The following CHRM3 variants were observed in gnomAD, a reference collection of about 807,000 sequenced individuals.
CHRM3 encodes the protein cholinergic receptor muscarinic 3, also known as muscarinic acetylcholine receptor M3.
Under a neutral mutation model 41.8 loss-of-function variants are expected in CHRM3, and 11 were observed. The observed-to-expected ratio is 0.26, with a 90% confidence interval of 0.17 to 0.44. The LOEUF is 0.44. CHRM3 is among the 20% of genes least tolerant of loss of function. CHRM3 has a pLI of 1.00. For missense variants in CHRM3, 571 were observed against 745.4 expected, an observed-to-expected ratio of 0.77 and a Z score of 2.72; for synonymous variants, 297 against 301.4, an observed-to-expected ratio of 0.99 and a Z score of 0.15.
chr1:239,707,138 G>A (rs1291984761), intron 5 of CHRM3: 1 of 151,966 alleles, frequency 6.6e-6, no homozygotes, highest in Admixed American at 6.6e-5. Context: ...TGTAAGGTGG[G>A]GATAAATATG....
At chr1:239,408,834 C>G (rs932984346) in intron 1 of CHRM3, among the ~76,000 whole-genome samples, 3 of 151,002 alleles carry the variant, frequency 2.0e-5, no homozygotes, top group Non-Finnish European at 4.4e-5. Flanking sequence ...GTTACCCAGG[C>G]TGGTCCTAAA....
chr1:239,429,972 T>TA (rs1662696804), intron 1 of CHRM3, among the ~76,000 whole-genome samples: 1 of 110,126 alleles, frequency 9.1e-6, no homozygotes, highest in African/African-American at 3.3e-5. Flanking sequence ...ACCCAGACAA[T>TA]CTTTTTTTTT....
intron 2 of CHRM3, among the ~76,000 whole-genome samples, chr1:239,496,965 G>A (rs1667928824): frequency 6.6e-6 from 1 of 151,924 alleles, no homozygotes; most frequent in African/African-American, 2.4e-5. Context: ...TTGGATGCAT[G>A]GTAAATTAAC....
chr1:239,865,017 T>C (rs1293815277), intron 6 of CHRM3, among the ~76,000 whole-genome samples: 2 of 152,176 alleles, frequency 1.3e-5, no homozygotes, highest in Non-Finnish European at 2.9e-5. Context: ...GCATTACATG[T>C]GTACAGAATG....
Position 239,630,287 on chromosome 1 carries a change from G to C in CHRM3, c.-312-1937G>C, listed in dbSNP as rs377591181. Among the ~76,000 whole-genome samples the C allele has an allele frequency of 2.0e-5, 3 of 152,182 alleles. No homozygotes were observed. The East Asian group carries it at 5.8e-4, about 29-fold the overall frequency. ...AAAATGATCTGAATTTCAACATGTA[G>C]GCAATGTTGGGACTCCTAATTGTAA... is the stretch of plus-strand genomic sequence containing the variant. On this transcript the variant is annotated intron_variant, in intron 3 of 6. Transcript: ENST00000676153.
chr1:239,576,608 A>G (rs972850814), intron 3 of CHRM3, among the ~76,000 whole-genome samples: 1 of 150,984 alleles, frequency 6.6e-6, no homozygotes, highest in African/African-American at 2.4e-5. Context: ...ACACACACAC[A>G]CACACACACA....
rs553382912 is a variant in CHRM3 at position 239,615,221 on chromosome 1, C to T, written c.-312-17003C>T. ...ACATTTGCTATACACTTTATGTATG[C>T]TACTTTATTTCATGCTTTCAAAAAC... On this transcript the variant is annotated intron_variant, in intron 3 of 6. Transcript: ENST00000676153. 2.6e-5 allele frequency among the ~76,000 whole-genome samples: 4 copies of T among 152,316 alleles called. No homozygotes were observed. In the South Asian group the frequency reaches 8.3e-4, roughly 32 times the overall value.
chr1:239,483,924 C>G (rs982373624), intron 1 of CHRM3, among the ~76,000 whole-genome samples: 9 of 152,140 alleles, frequency 5.9e-5, no homozygotes, highest in African/African-American at 2.2e-4. Flanking sequence ...CTACCTTTCT[C>G]TTGGAAGCTT....
chr1:239,728,064 C>G (rs1663613514), intron 5 of CHRM3, among the ~76,000 whole-genome samples: 1 of 151,930 alleles, frequency 6.6e-6, no homozygotes, highest in Admixed American at 6.6e-5. Context: ...TACCTTTTTG[C>G]CCATTGTTGT....
intron 4 of CHRM3, among the ~76,000 whole-genome samples, chr1:239,667,290 G>A (rs997073435): frequency 6.6e-6 from 1 of 152,012 alleles, no homozygotes; most frequent in African/African-American, 2.4e-5. Context: ...AATCTCCAAG[G>A]CATTACTGTT....
chr1:239,766,354 C>G (rs1667205108), intron 5 of CHRM3, among the ~76,000 whole-genome samples: 1 of 151,950 alleles, frequency 6.6e-6, no homozygotes, highest in Non-Finnish European at 1.5e-5. Flanking sequence ...AACAAGAGTC[C>G]TTTAAGCTGA....
At chr1:239,656,488 A>C (rs1672736829) in intron 4 of CHRM3, among the ~76,000 whole-genome samples, 1 of 151,812 alleles carries the variant, frequency 6.6e-6, no homozygotes, top group African/African-American at 2.4e-5. Context: ...AAAAAGAAAA[A>C]AAAAGTAGCT....
At chr1:239,808,589 T>TA (rs1405566987) in intron 5 of CHRM3, among the ~76,000 whole-genome samples, 1 of 152,132 alleles carries the variant, frequency 6.6e-6, no homozygotes, top group Non-Finnish European at 1.5e-5. Context: ...CTAGCGATAG[T>TA]TTTTGCCATA....
rs547837565 is a variant in CHRM3 at position 239,477,086 on chromosome 1, G to A, written c.-520-15623G>A. Reference sequence around the variant, plus strand: ...AAAGTAGCATAATGATTTCATGAAAGTCCACCAAATTCATTATTACTTAAA... The same window carrying A: ...AAAGTAGCATAATGATTTCATGAAAATCCACCAAATTCATTATTACTTAAA... On this transcript the variant is annotated intron_variant, in intron 1 of 6. Transcript: ENST00000676153. 2.0e-5 allele frequency among the ~76,000 whole-genome samples: 3 copies of A among 152,270 alleles called. No individual in the cohort carries two copies. In the South Asian group the frequency reaches 6.2e-4, roughly 32 times the overall value.
chr1:239,457,146 T>G (rs1665007898), intron 1 of CHRM3, among the ~76,000 whole-genome samples: 1 of 152,172 alleles, frequency 6.6e-6, no homozygotes, highest in South Asian at 2.1e-4. Context: ...GAATCTACAC[T>G]CAGGTCCCTA....
intron 4 of CHRM3, among the ~76,000 whole-genome samples, chr1:239,668,292 T>C (rs954019930): frequency 6.6e-6 from 1 of 151,900 alleles, no homozygotes; most frequent in Non-Finnish European, 1.5e-5. Flanking sequence ...TTTCACCATG[T>C]TAGCCAGCTT....
At chr1:239,463,665 T>C (rs1665516749) in intron 1 of CHRM3, among the ~76,000 whole-genome samples, 1 of 152,160 alleles carries the variant, frequency 6.6e-6, no homozygotes, top group Non-Finnish European at 1.5e-5. Context: ...AACATTTAGG[T>C]ATTTTTCCTA....
intron 5 of CHRM3, among the ~76,000 whole-genome samples, chr1:239,710,578 A>G (rs1223772959): frequency 6.6e-6 from 1 of 152,150 alleles, no homozygotes; most frequent in African/African-American, 2.4e-5. Context: ...TTCACTTTAG[A>G]TACAAGCTTC....
chr1:239,549,109 C>G (rs1659563819), intron 3 of CHRM3, among the ~76,000 whole-genome samples: 1 of 152,086 alleles, frequency 6.6e-6, no homozygotes, highest in South Asian at 2.1e-4. Context: ...CATTAGATCT[C>G]TTGAGACTTA....
Sources: allele counts gnomAD v4.1 joint callset (sites outside exome capture counted in the v4.1 genomes callset), GRCh38; gene constraint gnomAD v4.1.1; transcripts MANE v1.5; gene names NCBI Gene and HGNC (gene_info 2026-07-23, HGNC 2026-07-21).